The following ARHGEF28 variants were observed in gnomAD, a reference collection of about 807,000 sequenced individuals.
The protein encoded by ARHGEF28 is Rho guanine nucleotide exchange factor 28, also known as 190 kDa guanine nucleotide exchange factor.
In ARHGEF28, 152 loss-of-function variants were observed where a neutral mutation model predicts 206.6. That is an observed-to-expected ratio of 0.74 (90% confidence interval 0.64 to 0.84). ARHGEF28 has a LOEUF of 0.84. Ranked by LOEUF, ARHGEF28 falls within the 40% of genes least tolerant of loss-of-function variation. The pLI is 0.00. For synonymous variants in ARHGEF28, 763 were observed against 776.4 expected (o/e 0.98, Z 0.29); for missense variants, 2,028 against 2,073.2 (o/e 0.98, Z 0.42).
At chr5:73,828,587 C>T (rs545198478) in intron 9 of ARHGEF28, among the ~76,000 whole-genome samples, 1 of 151,592 alleles carries the variant, frequency 6.6e-6, no homozygotes, top group Non-Finnish European at 1.5e-5. Context: ...TTCTTCCTTT[C>T]CTTTCCTTTT....
chr5:73,669,032 A>G (rs557184614), intron 1 of ARHGEF28, among the ~76,000 whole-genome samples: 2 of 152,326 alleles, frequency 1.3e-5, no homozygotes, highest in African/African-American at 4.8e-5. Context: ...AAAGAAAACC[A>G]ATCTCATGAT....
intron 4 of ARHGEF28, among the ~76,000 whole-genome samples, chr5:73,765,847 T>C (rs538738810): frequency 6.6e-6 from 1 of 152,028 alleles, no homozygotes; most frequent in Non-Finnish European, 1.5e-5. Context: ...CAAAAAAAAA[T>C]TAGTCTTCTA....
intron 1 of ARHGEF28, among the ~76,000 whole-genome samples, chr5:73,659,669 T>G (rs1745462323): frequency 6.6e-6 from 1 of 152,212 alleles, no homozygotes; most frequent in Admixed American, 6.5e-5. Context: ...TACAGGCATA[T>G]CTTGAAGATA....
chr5:73,858,065 A>ACTG (rs1561461977), intron 15 of ARHGEF28, 22 bp from the exon 16 acceptor site: 1 of 1,581,426 alleles, frequency 6.3e-7, no homozygotes, highest in South Asian at 1.2e-5. Flanking sequence ...CCACTTTCCT[A>ACTG]CTGCTGCTGC....
chr5:73,933,293 G>C (rs1165906135), intron 35 of ARHGEF28, among the ~76,000 whole-genome samples: 1 of 152,244 alleles, frequency 6.6e-6, no homozygotes, highest in East Asian at 1.9e-4. Context: ...AGATTTTCTA[G>C]GCAAGAGCAA....
intron 26 of ARHGEF28, among the ~76,000 whole-genome samples, chr5:73,890,967 A>G (rs1761591739): frequency 1.3e-5 from 2 of 152,362 alleles, no homozygotes; most frequent in South Asian, 4.1e-4. Flanking sequence ...ACATTGGAGG[A>G]TCACAGTAGA....
At chr5:73,823,115 G>T (rs1305782484) in intron 9 of ARHGEF28, among the ~76,000 whole-genome samples, 3 of 152,192 alleles carry the variant, frequency 2.0e-5, no homozygotes, top group Admixed American at 6.5e-5. Flanking sequence ...TTTGCGTTCT[G>T]GTTCAACCAC....
chr5:73,938,098 A>C (rs1346085235), intron 35 of ARHGEF28, among the ~76,000 whole-genome samples: 1 of 149,990 alleles, frequency 6.7e-6, no homozygotes, highest in Non-Finnish European at 1.5e-5. Flanking sequence ...TCACCTAGGA[A>C]TGTGTTTCTC....
chr5:73,840,358 G>A, intron 10 of ARHGEF28, 122 bp from the exon 11 acceptor site: 1 of 899,518 alleles, frequency 1.1e-6, no homozygotes, highest in East Asian at 2.6e-5. Context: ...CAAGTGATCT[G>A]CCAGCCTCGG....
chr5:73,742,227 C>A (rs544973839), intron 2 of ARHGEF28, among the ~76,000 whole-genome samples: 1 of 151,860 alleles, frequency 6.6e-6, no homozygotes, highest in East Asian at 1.9e-4. Context: ...GTATAGGTAT[C>A]GTTATTGTTT....
At chr5:73,892,645 C>T (rs1351944584) in intron 27 of ARHGEF28, among the ~76,000 whole-genome samples, 4 of 152,114 alleles carry the variant, frequency 2.6e-5, no homozygotes, top group Non-Finnish European at 5.9e-5. Context: ...TCCTCGAGGG[C>T]AGGGTTCATG....
chr5:73,868,320 T>G, intron 20 of ARHGEF28, 93 bp downstream of exon 20: 1 of 1,411,742 alleles, frequency 7.1e-7, no homozygotes, highest in South Asian at 1.6e-5. Context: ...AGCATTTTTT[T>G]TTTCTTTTTC....
At chr5:73,835,276 C>T (rs942775442) in intron 10 of ARHGEF28, 27 of 152,160 alleles carry the variant, frequency 1.8e-4, no homozygotes, top group African/African-American at 6.3e-4. Context: ...TTGAGACCAT[C>T]CTGGCTAACA....
intron 8 of ARHGEF28, among the ~76,000 whole-genome samples, chr5:73,794,682 C>T (rs1437360999): frequency 6.6e-6 from 1 of 150,936 alleles, no homozygotes; most frequent in Non-Finnish European, 1.5e-5. Context: ...TCTTGGCTCA[C>T]TGCAACTTCT....
rs190286409 is a variant in ARHGEF28, at chr5:73,925,858, A to G, written c.4948+14283A>G. 3.3e-5 allele frequency among the ~76,000 whole-genome samples: 5 copies of G among 152,334 alleles called. No homozygotes were observed. The East Asian group carries it at 9.6e-4, about 29-fold the overall frequency. On this transcript the variant is annotated intron_variant, in intron 35 of 35. Transcript: ENST00000513042. The stretch of plus-strand genomic sequence containing the variant: ...TTACTTATCCCTTCCTTGTTGATGG[A>G]CATCTGGCTTATTTCTAATTTTTGG...
At chr5:73,724,081 A>T (rs1047173047) in intron 2 of ARHGEF28, among the ~76,000 whole-genome samples, 2 of 152,176 alleles carry the variant, frequency 1.3e-5, no homozygotes, top group African/African-American at 4.8e-5. Context: ...CCTGAACCTT[A>T]TTTCATCCAT....
At chr5:73,689,619 A>C (rs17633770) in intron 2 of ARHGEF28, among the ~76,000 whole-genome samples, 28,832 of 152,262 alleles carry the variant, frequency 0.19, 3,033 homozygotes, top group Non-Finnish European at 0.24. Flanking sequence ...CTGGCAGCCA[A>C]GAGCTTTATA....
chr5:73,909,719 G>T lies in ARHGEF28; in HGVS notation c.4469G>T (p.Arg1490Leu). The T allele has an allele frequency of 6.6e-7, 1 of 1,520,374 alleles. No individual in the cohort carries two copies. Among genetic ancestry groups the T allele is most frequent in the Non-Finnish European group, 8.8e-7 (1 of 1,133,090 alleles). 94.2% of individuals were successfully genotyped at this position (1,520,374 alleles called of 1,614,324 possible). A position where few individuals can be genotyped will look rare whatever the true frequency, so the allele number is the denominator to read the frequency against. ...CAGGAGGAGCTGCTGCTGCGGAGCC[G>T]GGGCGAGCTGGACCTCCAGCTCCAG... ...QSQEELLLRS[R>L]GELDLQLQEY... is the part of the protein sequence containing the mutation. The change falls in exon 34 of 36, where the codon CGG (arginine) becomes CTG (leucine). Residue 1490 changes from arginine to leucine, a missense_variant. Arg to Leu is a moderately radical substitution (Grantham distance 102). This residue lies in a region of ARHGEF28 where 803 missense variants were observed against 768.0 expected (regional missense o/e 1.05). Transcript: ENST00000513042.
At chr5:73,864,941 C>A in intron 17 of ARHGEF28, 69 bp downstream of exon 17, 1 of 1,410,626 alleles carries the variant, frequency 7.1e-7, no homozygotes, top group Non-Finnish European at 9.8e-7. Flanking sequence ...TGAGCTTTTA[C>A]TCTTTTTTAT....
Sources: allele counts gnomAD v4.1 joint callset (sites outside exome capture counted in the v4.1 genomes callset), GRCh38; gene constraint gnomAD v4.1.1; regional missense constraint gnomAD v4.1.1; transcripts MANE v1.5; gene names NCBI Gene and HGNC (gene_info 2026-07-23, HGNC 2026-07-21).